Variants in FIRRM observed in about 807,000 individuals in gnomAD.
FIRRM encodes FIGNL1 interacting regulator of recombination and mitosis.
chr1:169,819,407 A>G, the FIRRM span, among the ~76,000 whole-genome samples: 1 of 152,146 alleles, frequency 6.6e-6, no homozygotes, highest in Non-Finnish European at 1.5e-5. Flanking sequence ...TATATTTCCT[A>G]CCTAGTTATA....
At chr1:169,802,364 T>G in the FIRRM span, among the ~76,000 whole-genome samples, 3 of 152,218 alleles carry the variant, frequency 2.0e-5, no homozygotes, top group Non-Finnish European at 4.4e-5. Flanking sequence ...TTAAAAAAAT[T>G]GATGCTATTA....
At chr1:169,795,328 A>C in the FIRRM span, 3 of 1,416,046 alleles carry the variant, frequency 2.1e-6, no homozygotes, top group East Asian at 5.1e-5. Flanking sequence ...CGCGGCCTGA[A>C]CCCCCTCTTT....
the FIRRM span, among the ~76,000 whole-genome samples, chr1:169,786,715 C>T: frequency 2.0e-5 from 3 of 152,186 alleles, no homozygotes; most frequent in Non-Finnish European, 4.4e-5. Context: ...ATTTTAGACA[C>T]ACAGAAAGAA....
the FIRRM span, among the ~76,000 whole-genome samples, chr1:169,845,996 G>C: frequency 6.6e-6 from 1 of 152,156 alleles, no homozygotes; most frequent in African/African-American, 2.4e-5. Context: ...CTTATAAAAC[G>C]TATTTCTTAA....
At chr1:169,793,847 G>A in the FIRRM span, 1 of 540,570 alleles carries the variant, frequency 1.8e-6, no homozygotes, top group African/African-American at 2.0e-5. Context: ...AATATTTAGA[G>A]ATATTTCCAA....
the FIRRM span, among the ~76,000 whole-genome samples, chr1:169,810,960 C>T: frequency 2.7e-5 from 4 of 148,070 alleles, no homozygotes; most frequent in African/African-American, 9.9e-5. Context: ...CCCGGGTTCA[C>T]GCCATTCCCC....
At chr1:169,809,254 C>G in the FIRRM span, among the ~76,000 whole-genome samples, 1 of 152,162 alleles carries the variant, frequency 6.6e-6, no homozygotes, top group Non-Finnish European at 1.5e-5. Flanking sequence ...TGTATCCCTT[C>G]TTCCTTTTTC....
At chr1:169,829,431 C>T in the FIRRM span, 1 of 1,611,602 alleles carries the variant, frequency 6.2e-7, no homozygotes, top group Non-Finnish European at 8.5e-7. Flanking sequence ...CCTTTCATCC[C>T]TCACTGTTTG....
the FIRRM span, among the ~76,000 whole-genome samples, chr1:169,848,924 C>T: frequency 6.6e-6 from 1 of 152,128 alleles, no homozygotes; most frequent in Non-Finnish European, 1.5e-5. Context: ...CTGATTTATC[C>T]ATTCGGGAAA....
the FIRRM span, among the ~76,000 whole-genome samples, chr1:169,841,570 A>G: frequency 8.5e-5 from 13 of 152,308 alleles, no homozygotes; most frequent in African/African-American, 3.1e-4. Flanking sequence ...CAGAGAGAGA[A>G]TTGAGTATTT....
chr1:169,811,680 A>G, the FIRRM span, among the ~76,000 whole-genome samples: 4 of 137,716 alleles, frequency 2.9e-5, no homozygotes, highest in African/African-American at 5.1e-5. Context: ...AGATAATCTA[A>G]ATAGATAATA....
chr1:169,843,988 C>G, the FIRRM span, among the ~76,000 whole-genome samples: 1 of 152,064 alleles, frequency 6.6e-6, no homozygotes, highest in Non-Finnish European at 1.5e-5. Flanking sequence ...TCTCTGTCAC[C>G]CTATACTGAG....
the FIRRM span, chr1:169,849,976 C>G: frequency 3.8e-3 from 1,816 of 479,110 alleles, 36 homozygotes; most frequent in African/African-American, 0.032. Flanking sequence ...TGGGTTGCTC[C>G]TTTACTCTTA....
chr1:169,803,320 G>A, the FIRRM span: 6 of 1,612,560 alleles, frequency 3.7e-6, no homozygotes, highest in South Asian at 1.1e-5. Flanking sequence ...GTGAGTAAAG[G>A]TCTAATTATA....
the FIRRM span, among the ~76,000 whole-genome samples, chr1:169,799,656 A>G: frequency 6.6e-6 from 1 of 151,994 alleles, no homozygotes; most frequent in African/African-American, 2.4e-5. Context: ...GGTTCAGGTG[A>G]TTCTCCTGCC....
the FIRRM span, among the ~76,000 whole-genome samples, chr1:169,814,421 C>G: frequency 6.6e-6 from 1 of 152,178 alleles, no homozygotes; most frequent in Admixed American, 6.5e-5. Flanking sequence ...ATTCAGTATA[C>G]AATAATTTCA....
the FIRRM span, among the ~76,000 whole-genome samples, chr1:169,838,720 C>A: frequency 6.6e-6 from 1 of 151,988 alleles, no homozygotes; most frequent in South Asian, 2.1e-4. Flanking sequence ...GAACTCCTGA[C>A]CTCAGGTGAT....
At chr1:169,853,398 T>G in the FIRRM span, 78 of 359,636 alleles carry the variant, frequency 2.2e-4, no homozygotes, top group African/African-American at 1.4e-3. Context: ...TTTTCTTTAC[T>G]TCCAGAATTG....
chr1:169,830,213 G>A, the FIRRM span: 41 of 1,447,508 alleles, frequency 2.8e-5, no homozygotes, highest in South Asian at 4.6e-4. Flanking sequence ...ATTGCTTATT[G>A]TGAACTTTAG....
Sources: gnomAD v4.1 joint callset for allele counts (sites outside exome capture counted in the v4.1 genomes callset) on GRCh38, gnomAD v4.1.1 for gene constraint, MANE v1.5 for transcripts, NCBI Gene and HGNC (gene_info 2026-07-23, HGNC 2026-07-21) for gene names.